Variants in MME observed in about 807,000 individuals in gnomAD.
MME encodes membrane metalloendopeptidase, also known as neprilysin.
In MME, 98 loss-of-function variants were observed where a neutral mutation model predicts 113.2. That is an observed-to-expected ratio of 0.87 (90% confidence interval 0.74 to 1.02). The LOEUF is 1.02. MME is among the 50% of genes least tolerant of loss of function. The pLI, the probability that MME is intolerant of heterozygous loss-of-function variation, is 0.00. For missense variants in MME, 836 were observed against 896.0 expected, an observed-to-expected ratio of 0.93 and a Z score of 0.86; for synonymous variants, 292 against 300.6, an observed-to-expected ratio of 0.97 and a Z score of 0.30.
At chr3:155,085,229 A>G in intron 3 of MME, 135 bp downstream of exon 3, 1 of 553,732 alleles carries the variant, frequency 1.8e-6, no homozygotes, top group Non-Finnish European at 3.2e-6. Flanking sequence ...CTCTATAATC[A>G]ATGGAAATAA....
At chr3:155,131,794 T>C (rs560007109) in intron 8 of MME, among the ~76,000 whole-genome samples, 2 of 152,278 alleles carry the variant, frequency 1.3e-5, no homozygotes, top group Admixed American at 1.3e-4. Flanking sequence ...TGACTATATG[T>C]TTGCAGTCTG....
At chr3:155,097,126 C>A (rs915136974) in intron 3 of MME, among the ~76,000 whole-genome samples, 5 of 152,106 alleles carry the variant, frequency 3.3e-5, no homozygotes, top group African/African-American at 1.2e-4. Flanking sequence ...GGGTAATAGG[C>A]TGGGACCAAT....
At chr3:155,177,265 T>C (rs1007904685) in intron 22 of MME, among the ~76,000 whole-genome samples, 2 of 152,186 alleles carry the variant, frequency 1.3e-5, no homozygotes, top group Non-Finnish European at 2.9e-5. Flanking sequence ...CAGTCAGTGA[T>C]GCTGATGGCT....
At chr3:155,119,152 T>A (rs893375375) in intron 8 of MME, among the ~76,000 whole-genome samples, 53 of 152,216 alleles carry the variant, frequency 3.5e-4, no homozygotes, top group Non-Finnish European at 6.2e-4. Context: ...TATCATGGTC[T>A]AGGGTGGTGC....
intron 2 of MME, 24 bp downstream of exon 2, chr3:155,084,351 A>C: frequency 6.2e-7 from 1 of 1,612,828 alleles, no homozygotes; most frequent in Non-Finnish European, 8.5e-7. Flanking sequence ...ACACCTGTGC[A>C]TCCATAAGTG....
In MME at chr3:155,180,525, A is replaced by T; in HGVS notation, c.*66A>T. 1 of 1,287,902 alleles carries T rather than the reference A, an allele frequency of 7.8e-7. No individual in the cohort carries two copies. The highest frequency in any genetic ancestry group is 1.1e-6 in the Non-Finnish European group (1 of 883,832). The allele number at this position is 1,287,902 out of a possible 1,614,324, so 79.8% of individuals were successfully genotyped here. On this transcript the variant is annotated 3_prime_UTR_variant, in exon 23 of 23. Coordinates refer to ENST00000360490, the MANE Select transcript of MME (RefSeq NM_007289.4). ...ACACCACAGAAATGGGGAATTCTCTAATCGAAAGAAAATGGGCCCTAGGGG... is the reference window on the plus strand; with the variant it reads ...ACACCACAGAAATGGGGAATTCTCTTATCGAAAGAAAATGGGCCCTAGGGG...
chr3:155,132,514 C>T (rs773697978), intron 8 of MME, among the ~76,000 whole-genome samples: 3 of 152,002 alleles, frequency 2.0e-5, no homozygotes, highest in Admixed American at 6.6e-5. Flanking sequence ...ACTACTGTTA[C>T]GAGTACTAGG....
chr3:155,027,672 C>T (rs1156326781), intron 1 of MME, among the ~76,000 whole-genome samples: 1 of 152,176 alleles, frequency 6.6e-6, no homozygotes, highest in Non-Finnish European at 1.5e-5. Flanking sequence ...AATCCCTTAA[C>T]AGTAGGCTTA....
At chr3:155,063,394 ATATATTT>A (rs1208474992) in intron 1 of MME, among the ~76,000 whole-genome samples, 10 of 109,568 alleles carry the variant, frequency 9.1e-5, no homozygotes, top group South Asian at 5.1e-4. Flanking sequence ...TATATTTCAT[ATATATTT>A]TATATTTTAT....
chr3:155,058,227 T>C (rs1404820609), intron 1 of MME, among the ~76,000 whole-genome samples: 1 of 152,192 alleles, frequency 6.6e-6, no homozygotes, highest in Non-Finnish European at 1.5e-5. Flanking sequence ...AGGTGTTAAA[T>C]AGTAGAATTC....
At chr3:155,156,643 T>G (rs1208853001) in intron 16 of MME, among the ~76,000 whole-genome samples, 1 of 152,142 alleles carries the variant, frequency 6.6e-6, no homozygotes, top group African/African-American at 2.4e-5. Context: ...TACAGAAAAC[T>G]TCGAAGTCTT....
intron 9 of MME, among the ~76,000 whole-genome samples, chr3:155,139,252 A>G (rs930964569): frequency 6.6e-6 from 1 of 152,106 alleles, no homozygotes; most frequent in Non-Finnish European, 1.5e-5. Flanking sequence ...GACCAGCATC[A>G]GCTCTGTAGT....
rs1183858005 is a variant in MME at position 155,182,909 on chromosome 3, T to A, written c.*2450T>A. 1 of 152,218 alleles carries A rather than the reference T, an allele frequency of 6.6e-6. No individual in the cohort carries two copies. Among genetic ancestry groups the A allele is most frequent in the East Asian group, 1.9e-4 (1 of 5,196 alleles). The allele number at this position is 152,218 out of a possible 1,614,324, so 9.4% of individuals were successfully genotyped here. A position where few individuals can be genotyped will look rare whatever the true frequency, so the allele number is the denominator to read the frequency against. On this transcript the variant is annotated 3_prime_UTR_variant, in exon 23 of 23. Transcript: ENST00000360490. ...TACTCTTGTTGAGTTCTGTAGAGCC[T>A]TCTGATGTCTCTAAAGCACTACCGA...
intron 3 of MME, 39 bp downstream of exon 3, chr3:155,085,133 A>T: frequency 3.1e-6 from 4 of 1,274,582 alleles, no homozygotes; most frequent in Non-Finnish European, 4.5e-6. Context: ...TATACAACTG[A>T]TGTATAATAT....
At chr3:155,152,489 G>A (rs571290227) in intron 16 of MME, among the ~76,000 whole-genome samples, 7 of 152,230 alleles carry the variant, frequency 4.6e-5, no homozygotes, top group African/African-American at 1.7e-4. Context: ...AAGAATAAAT[G>A]ATAAAATTGC....
In MME at chr3:155,160,387, C is replaced by T. The variant is rs749461089; in HGVS notation, c.1602-3C>T. 6 of 1,601,734 alleles carry T rather than the reference C, an allele frequency of 3.7e-6. No individual in the cohort carries two copies. Among genetic ancestry groups the T allele is most frequent in the Middle Eastern group, 1.7e-4 (1 of 6,042 alleles). ...TTGTAAAGAGTTCTTATGTTTTCTA[C>T]AGGTGGATAAGTGGAGCAGCTGTAG... On this transcript the variant is annotated splice_polypyrimidine_tract_variant and splice_region_variant and intron_variant, in intron 16 of 22. Coordinates refer to ENST00000360490, the MANE Select transcript of MME (RefSeq NM_007289.4).
intron 1 of MME, among the ~76,000 whole-genome samples, chr3:155,033,294 G>A (rs927599733): frequency 1.3e-5 from 2 of 152,152 alleles, no homozygotes; most frequent in African/African-American, 4.8e-5. Context: ...AAACTGCTGT[G>A]AACATGATAA....
chr3:155,052,029 C>A (rs757779739), intron 1 of MME, among the ~76,000 whole-genome samples: 4 of 152,162 alleles, frequency 2.6e-5, no homozygotes, highest in Admixed American at 6.5e-5. Context: ...CCATACAAAT[C>A]TGAAATCAAT....
At chr3:155,128,656 T>C (rs1719890499) in intron 8 of MME, among the ~76,000 whole-genome samples, 1 of 152,112 alleles carries the variant, frequency 6.6e-6, no homozygotes, top group Non-Finnish European at 1.5e-5. Context: ...GCACCCAGGT[T>C]TCTGTATACT....
Sources: allele counts gnomAD v4.1 joint callset (sites outside exome capture counted in the v4.1 genomes callset), GRCh38; gene constraint gnomAD v4.1.1; transcripts MANE v1.5; gene names NCBI Gene and HGNC (gene_info 2026-07-23, HGNC 2026-07-21).